The following CRY1 variants were observed in gnomAD, a reference collection of about 807,000 sequenced individuals.
CRY1 encodes the protein cryptochrome circadian regulator 1.
A neutral mutation model predicts 76.0 loss-of-function variants in CRY1; 45 were observed. The observed-to-expected ratio is 0.59, with a 90% CI of 0.47 to 0.76. The LOEUF (loss-of-function observed/expected upper bound fraction) is 0.76, where lower values mean the gene tolerates loss of function less well. CRY1 is among the 30% of genes least tolerant of loss of function. The pLI is 0.00. For synonymous variants in CRY1, 248 were observed against 244.0 expected (o/e 1.02, Z -0.15); for missense variants, 587 against 716.4 (o/e 0.82, Z 2.06).
At chr12:107,084,217 G>C (rs1953365159) in intron 1 of CRY1, among the ~76,000 whole-genome samples, 1 of 152,118 alleles carries the variant, frequency 6.6e-6, no homozygotes, top group African/African-American at 2.4e-5. Context: ...CATGCTCATG[G>C]ATAGGAAGAA....
At chr12:107,003,336 T>C (rs572933792) in intron 3 of CRY1, among the ~76,000 whole-genome samples, 72 of 152,352 alleles carry the variant, frequency 4.7e-4, no homozygotes, top group Non-Finnish European at 2.9e-5. Flanking sequence ...TTTTTCACTA[T>C]GGCCATTTGC....
intron 2 of CRY1, 134 bp downstream of exon 2, chr12:107,021,949 GA>G (rs559080937): frequency 1.0e-4 from 65 of 634,558 alleles, no homozygotes; most frequent in Middle Eastern, 9.0e-4. Context: ...ATTAAATAAA[GA>G]AAAAAAACCC....
chr12:107,051,629 C>T (rs1216560861), intron 1 of CRY1, among the ~76,000 whole-genome samples: 2 of 152,080 alleles, frequency 1.3e-5, no homozygotes, highest in African/African-American at 2.4e-5. Flanking sequence ...TAAAGTTTCA[C>T]GAAGATAATC....
chr12:107,018,880 T>C (rs1952524246), intron 2 of CRY1, among the ~76,000 whole-genome samples: 2 of 152,202 alleles, frequency 1.3e-5, no homozygotes, highest in Non-Finnish European at 1.5e-5. Context: ...TTCCTGAATC[T>C]ACTCCTTATA....
At chr12:107,051,786 CAT>C (rs1952924929) in intron 1 of CRY1, among the ~76,000 whole-genome samples, 1 of 152,102 alleles carries the variant, frequency 6.6e-6, no homozygotes, top group Non-Finnish European at 1.5e-5. Context: ...TCAAAAACCA[CAT>C]AGAGGTAATT....
intron 2 of CRY1, among the ~76,000 whole-genome samples, chr12:107,021,538 A>G (rs1272557957): frequency 6.6e-6 from 1 of 152,218 alleles, no homozygotes; most frequent in African/African-American, 2.4e-5. Flanking sequence ...AATACTATGA[A>G]GTCATCTGAA....
chr12:107,043,645 A>G (rs1263891268), intron 1 of CRY1, among the ~76,000 whole-genome samples: 1 of 152,152 alleles, frequency 6.6e-6, no homozygotes, highest in African/African-American at 2.4e-5. Context: ...TGGACTAGCT[A>G]CCTAGAGTGT....
At chr12:107,063,271 T>C (rs1050962459) in intron 1 of CRY1, among the ~76,000 whole-genome samples, 10 of 152,194 alleles carry the variant, frequency 6.6e-5, no homozygotes, top group African/African-American at 2.4e-4. Flanking sequence ...AAAATGGCAC[T>C]AAGTTTCTAG....
chr12:107,085,363 T>C (rs35072134), intron 1 of CRY1, among the ~76,000 whole-genome samples: 2 of 152,206 alleles, frequency 1.3e-5, no homozygotes, highest in East Asian at 3.8e-4. Context: ...CACAGGCACA[T>C]GTATGTTTAT....
At chr12:107,008,967 T>A (rs1157034883) in intron 2 of CRY1, among the ~76,000 whole-genome samples, 1 of 152,172 alleles carries the variant, frequency 6.6e-6, no homozygotes, top group Non-Finnish European at 1.5e-5. Context: ...GTCAATTACA[T>A]CTCTTTCCTT....
chr12:107,083,524 A>C (rs1953354381), intron 1 of CRY1, among the ~76,000 whole-genome samples: 1 of 152,254 alleles, frequency 6.6e-6, no homozygotes, highest in Non-Finnish European at 1.5e-5. Flanking sequence ...CTGGGATGTA[A>C]GGCTGGTTCA....
chr12:107,084,854 G>A (rs1182978799), intron 1 of CRY1, among the ~76,000 whole-genome samples: 1 of 152,062 alleles, frequency 6.6e-6, no homozygotes, highest in Non-Finnish European at 1.5e-5. Flanking sequence ...TTTCTGCACA[G>A]TGAAAGAAAC....
chr12:107,075,524 A>T (rs377757709), intron 1 of CRY1, among the ~76,000 whole-genome samples: 12 of 152,310 alleles, frequency 7.9e-5, no homozygotes, highest in African/African-American at 2.9e-4. Flanking sequence ...TTAACGAATA[A>T]TAGGCAATAT....
intron 2 of CRY1, among the ~76,000 whole-genome samples, 181 bp downstream of exon 2, chr12:107,021,903 T>C (rs1272306456): frequency 6.6e-6 from 1 of 152,114 alleles, no homozygotes; most frequent in African/African-American, 2.4e-5. Flanking sequence ...TAAACTATTT[T>C]CTCACTGTCT....
intron 1 of CRY1, among the ~76,000 whole-genome samples, chr12:107,058,353 G>C (rs1953009470): frequency 6.6e-6 from 1 of 152,010 alleles, no homozygotes; most frequent in South Asian, 2.1e-4. Flanking sequence ...AACCTAAAGA[G>C]AGAACAAAAG....
At chr12:107,081,127 GTA>G (rs1953320008) in intron 1 of CRY1, among the ~76,000 whole-genome samples, 1 of 152,106 alleles carries the variant, frequency 6.6e-6, no homozygotes, top group Non-Finnish European at 1.5e-5. Context: ...GGAAGAACTA[GTA>G]AGGATGTAGG....
intron 1 of CRY1, among the ~76,000 whole-genome samples, chr12:107,035,855 A>C (rs1952727201): frequency 6.6e-6 from 1 of 152,238 alleles, no homozygotes; most frequent in African/African-American, 2.4e-5. Context: ...ACAGTCTTCC[A>C]ATCTCATTTA....
intron 1 of CRY1, among the ~76,000 whole-genome samples, chr12:107,063,318 T>C (rs993739594): frequency 2.0e-5 from 3 of 152,178 alleles, no homozygotes; most frequent in Non-Finnish European, 4.4e-5. Context: ...AATTAAGAAA[T>C]AAATTTGGTT....
At chr12:107,024,300 C>A (rs117625872) in intron 1 of CRY1, among the ~76,000 whole-genome samples, 426 of 152,100 alleles carry the variant, frequency 2.8e-3, no homozygotes, top group Non-Finnish European at 4.3e-3. Context: ...AGAAACAAAC[C>A]AAAAGGACAT....
Sources: gnomAD v4.1 joint callset for allele counts (sites outside exome capture counted in the v4.1 genomes callset) on GRCh38, gnomAD v4.1.1 for gene constraint, MANE v1.5 for transcripts, NCBI Gene and HGNC (gene_info 2026-07-23, HGNC 2026-07-21) for gene names.